Variants in PLXNA4 observed in about 807,000 individuals in gnomAD.
PLXNA4 encodes the protein plexin A4, also known as plexin-A4.
Under a neutral mutation model 191.8 loss-of-function variants are expected in PLXNA4, and 44 were observed. That is an observed-to-expected ratio of 0.23 (90% CI 0.18 to 0.29). The LOEUF (loss-of-function observed/expected upper bound fraction) is 0.29. Among genes scored for constraint, PLXNA4 ranks in the 10% least tolerant of loss-of-function variants. The pLI is 1.00. For missense variants in PLXNA4, 1,800 were observed against 2,488.8 expected (o/e 0.72, Z 5.89); for synonymous variants, 1,082 against 1,009.5 (o/e 1.07, Z -1.36).
intron 3 of PLXNA4, among the ~76,000 whole-genome samples, chr7:132,453,790 T>C (rs1796216486): frequency 6.6e-6 from 1 of 152,224 alleles, no homozygotes; most frequent in Non-Finnish European, 1.5e-5. Context: ...CCTGCTCACC[T>C]TGGCCTCCCA....
chr7:132,233,852 C>T (rs1263047818), intron 5 of PLXNA4, among the ~76,000 whole-genome samples: 1 of 152,200 alleles, frequency 6.6e-6, no homozygotes, highest in Non-Finnish European at 1.5e-5. Context: ...AATGAACAAT[C>T]TATTGAACAA....
At chr7:132,147,519 A>C (rs928625287) in intron 27 of PLXNA4, among the ~76,000 whole-genome samples, 3 of 152,206 alleles carry the variant, frequency 2.0e-5, no homozygotes, top group African/African-American at 7.2e-5. Flanking sequence ...GCAAAATAAC[A>C]GTGGCTCTTA....
At chr7:132,569,807 C>T (rs1040685572) in intron 1 of PLXNA4, among the ~76,000 whole-genome samples, 1 of 152,176 alleles carries the variant, frequency 6.6e-6, no homozygotes, top group Non-Finnish European at 1.5e-5. Flanking sequence ...CTGAAGAAGG[C>T]TGAGCAAATG....
intron 4 of PLXNA4, among the ~76,000 whole-genome samples, chr7:132,275,351 G>T (rs935404731): frequency 1.3e-5 from 2 of 152,076 alleles, no homozygotes; most frequent in African/African-American, 4.8e-5. Flanking sequence ...ATCAAATCAA[G>T]AAATTGACAT....
intron 2 of PLXNA4, among the ~76,000 whole-genome samples, chr7:132,630,761 T>C (rs1803478107): frequency 1.3e-5 from 2 of 152,226 alleles, no homozygotes; most frequent in Admixed American, 6.5e-5. Flanking sequence ...TCCGCCCACC[T>C]CGGCCTCCCA....
rs375715133 is a variant in PLXNA4, at chr7:132,508,465, C to G, written c.229G>C (p.Asp77His). The G allele has an allele frequency of 6.2e-6, 10 of 1,614,096 alleles. No homozygotes were observed. The highest frequency in any genetic ancestry group is 8.5e-6 in the Non-Finnish European group (10 of 1,180,060). Residue 77 changes from aspartate to histidine, a missense_variant, in exon 2 of 32, where the codon GAC becomes CAC. Asp to His is a moderately conservative substitution (Grantham distance 81, BLOSUM62 -1). Transcript: ENST00000321063. This position sits in a 1 kb window ranked among gnomAD's most constrained non-coding sequence, Gnocchi z 4.4. ...TCATGCGTCACCAAGACCTTCAGGT[C>G]GCTGGAGAGCTTGTAAATCCGATTG... The part of the protein sequence containing the change: ...AVNRIYKLSS[D>H]LKVLVTHETG...
chr7:132,587,301 G>T (rs1802521035), intron 2 of PLXNA4, among the ~76,000 whole-genome samples: 1 of 152,228 alleles, frequency 6.6e-6, no homozygotes, highest in South Asian at 2.1e-4. Context: ...CATTCCTTCT[G>T]TGTAACTTCA....
intron 3 of PLXNA4, among the ~76,000 whole-genome samples, chr7:132,325,641 C>A (rs1158133561): frequency 6.6e-6 from 1 of 152,118 alleles, no homozygotes; most frequent in African/African-American, 2.4e-5. Flanking sequence ...ACTACCAGCA[C>A]AAAGGAGAGG....
In PLXNA4 at chr7:132,125,873, C is replaced by T. The variant is rs1356697674; in HGVS notation, c.*4606G>A. The T allele has an allele frequency of 6.6e-6, 1 of 152,256 alleles. No homozygotes were observed. Among genetic ancestry groups the T allele is most frequent in the Non-Finnish European group, 1.5e-5 (1 of 68,210 alleles). 9.4% of individuals were successfully genotyped at this position (152,256 alleles called of 1,614,324 possible). On this transcript the variant is annotated 3_prime_UTR_variant, in exon 32 of 32. Transcript: ENST00000321063. Reference sequence around the variant, plus strand: ...CCTTGAAGAGCTGGCTGGGGCTGCTCACTGGGCTCACTGTTCCTGGAAGGA... The same window carrying T: ...CCTTGAAGAGCTGGCTGGGGCTGCTTACTGGGCTCACTGTTCCTGGAAGGA...
At chr7:132,445,289 G>A (rs370377971) in intron 3 of PLXNA4, among the ~76,000 whole-genome samples, 5 of 151,060 alleles carry the variant, frequency 3.3e-5, no homozygotes, top group Admixed American at 6.6e-5. Flanking sequence ...GTGATTTCTC[G>A]AGCAGATGCA....
chr7:132,561,650 T>C (rs1485663669), intron 1 of PLXNA4, among the ~76,000 whole-genome samples: 119 of 89,878 alleles, frequency 1.3e-3, no homozygotes, highest in Non-Finnish European at 1.5e-3. Flanking sequence ...TCTCCTCCTC[T>C]TCCTCCTTTT....
chr7:132,223,678 C>T lies in PLXNA4; in HGVS notation c.1983-37G>A, dbSNP rs776287012. ...GGAAGGGAGGCACAAATCTAAGAAC[C>T]TGGATGAGCCCAAAGCAGAGGGCTT... is the stretch of plus-strand genomic sequence containing the variant. On this transcript the variant is annotated intron_variant, in intron 8 of 31. Transcript: ENST00000321063. 7.8e-6 allele frequency: 12 copies of T among 1,545,504 alleles called. No individual in the cohort carries two copies. The East Asian group carries it at 1.1e-4, about 15-fold the overall frequency.
chr7:132,632,575 G>A (rs1803514216), intron 2 of PLXNA4, among the ~76,000 whole-genome samples: 1 of 152,122 alleles, frequency 6.6e-6, no homozygotes, highest in Non-Finnish European at 1.5e-5. Context: ...CATCTCTACA[G>A]CTCCCAGGCT....
intron 3 of PLXNA4, among the ~76,000 whole-genome samples, chr7:132,421,042 A>G (rs1342957257): frequency 6.6e-6 from 1 of 152,194 alleles, no homozygotes; most frequent in Non-Finnish European, 1.5e-5. Flanking sequence ...CATCTTCAGA[A>G]CTTTTTCATC....
At chr7:132,371,195 T>C (rs1804425020) in intron 3 of PLXNA4, among the ~76,000 whole-genome samples, 1 of 152,084 alleles carries the variant, frequency 6.6e-6, no homozygotes, top group Non-Finnish European at 1.5e-5. Context: ...GTGGAAATCA[T>C]GAACCAGGTT....
chr7:132,130,555 T>A lies in PLXNA4; in HGVS notation c.5609A>T (p.His1870Leu). The change falls in exon 32 of 32, where the codon CAC (histidine) becomes CTC (leucine). Residue 1870 changes from histidine to leucine, a missense_variant. By Grantham distance (99) the His-to-Leu change is moderately conservative. Coordinates refer to ENST00000321063, the MANE Select transcript of PLXNA4 (RefSeq NM_020911.2). Reference protein sequence around the residue: ...YSEEILGPLDHDDQCGKQKLA... With the variant: ...YSEEILGPLDLDDQCGKQKLA... ...TTTCTGCTTCCCACACTGGTCATCGTGGTCCAGAGGTCCAAGGATCTGCGG... is the reference window on the plus strand; with the variant it reads ...TTTCTGCTTCCCACACTGGTCATCGAGGTCCAGAGGTCCAAGGATCTGCGG... 6.2e-7 allele frequency: 1 copy of A among 1,614,120 alleles called. No homozygotes were observed. The highest frequency in any genetic ancestry group is 8.5e-7 in the Non-Finnish European group (1 of 1,180,000).
intron 3 of PLXNA4, among the ~76,000 whole-genome samples, chr7:132,388,275 C>T (rs1805243406): frequency 6.6e-6 from 1 of 152,106 alleles, no homozygotes; most frequent in Non-Finnish European, 1.5e-5. Context: ...ATCCGACTTC[C>T]ATAGGAGTTC....
At chr7:132,227,108 A>G (rs1224864426) in intron 7 of PLXNA4, among the ~76,000 whole-genome samples, 1 of 152,124 alleles carries the variant, frequency 6.6e-6, no homozygotes, top group Non-Finnish European at 1.5e-5. Context: ...GGCCTCCTCC[A>G]CTGACCCGCC....
At chr7:132,605,502 T>C (rs945705532) in intron 2 of PLXNA4, among the ~76,000 whole-genome samples, 2 of 152,128 alleles carry the variant, frequency 1.3e-5, no homozygotes, top group African/African-American at 4.8e-5. Context: ...GGAAGCATGA[T>C]GGTGCTTGGG....
Sources: gnomAD v4.1 joint callset for allele counts (sites outside exome capture counted in the v4.1 genomes callset) on GRCh38, gnomAD v4.1.1 for gene constraint, Gnocchi (gnomAD v3.1) non-coding constraint, MANE v1.5 for transcripts, NCBI Gene and HGNC (gene_info 2026-07-23, HGNC 2026-07-21) for gene names.